The following MB21D2 variants were observed in gnomAD, a reference collection of about 807,000 sequenced individuals.
The protein encoded by MB21D2 is Mab-21 domain containing 2, also known as nucleotidyltransferase MB21D2.
A neutral mutation model predicts 33.3 loss-of-function variants in MB21D2; 9 were observed. That is an observed-to-expected ratio of 0.27 (90% CI 0.16 to 0.47). The LOEUF (loss-of-function observed/expected upper bound fraction) is 0.47. Ranked by LOEUF, MB21D2 falls within the 20% of genes least tolerant of loss-of-function variation. MB21D2 has a pLI of 0.99. For missense variants in MB21D2, 540 were observed against 624.6 expected, an observed-to-expected ratio of 0.86 and a Z score of 1.44; for synonymous variants, 241 against 236.3, an observed-to-expected ratio of 1.02 and a Z score of -0.18.
At chr3:192,864,001 T>C (rs1171812448) in intron 1 of MB21D2, among the ~76,000 whole-genome samples, 1 of 151,376 alleles carries the variant, frequency 6.6e-6, no homozygotes, top group Non-Finnish European at 1.5e-5. Context: ...ACCAAGAAAA[T>C]GTAAAAACAT....
At chr3:192,870,090 G>T (rs1362296928) in intron 1 of MB21D2, among the ~76,000 whole-genome samples, 1 of 152,094 alleles carries the variant, frequency 6.6e-6, no homozygotes, top group East Asian at 1.9e-4. Context: ...AACCAAATAC[G>T]GATGCTCTTG....
intron 1 of MB21D2, among the ~76,000 whole-genome samples, chr3:192,909,690 G>A (rs989067422): frequency 1.3e-5 from 2 of 152,054 alleles, no homozygotes; most frequent in African/African-American, 2.4e-5. Flanking sequence ...CAGCACTTTG[G>A]AAGGCCGAGG....
At chr3:192,900,832 T>C (rs913251524) in intron 1 of MB21D2, among the ~76,000 whole-genome samples, 1 of 151,906 alleles carries the variant, frequency 6.6e-6, no homozygotes, top group African/African-American at 2.4e-5. Context: ...TCCCACCTAC[T>C]CGGGAGGCTG....
rs1403369837 is a variant in MB21D2, at chr3:192,798,869, G to A, written c.993C>T (p.His331=). The A allele has an allele frequency of 1.2e-6, 2 of 1,613,284 alleles. No homozygotes were observed. Among genetic ancestry groups the A allele is most frequent in the South Asian group, 2.2e-5 (2 of 91,084 alleles). The part of the protein sequence containing the change: ...LSRPKAISPY[H]LRSMMLWACD... ...AGGCCCAGAGCATCATGCTCCGCAG[G>A]TGATAGGGGCTAATAGCCTTGGGCC... The change falls in exon 2 of 2, where the codon CAC becomes CAT. Residue 331 remains histidine (H), a synonymous_variant. Transcript: ENST00000392452. This position sits in a 1 kb window ranked among gnomAD's most constrained non-coding sequence, Gnocchi z 4.8.
In MB21D2 at chr3:192,798,311, A is replaced by C; in HGVS notation, c.*75T>G. ...AATCTAGGCTGGATATGTAAAAAACAGAAAGATAGCATCACAAACCACACG... is the reference window on the plus strand; with the variant it reads ...AATCTAGGCTGGATATGTAAAAAACCGAAAGATAGCATCACAAACCACACG... On this transcript the variant is annotated 3_prime_UTR_variant, in exon 2 of 2. Coordinates refer to ENST00000392452, the MANE Select transcript of MB21D2 (RefSeq NM_178496.4). This position sits in a 1 kb window ranked among gnomAD's most constrained non-coding sequence, Gnocchi z 4.8. 1 of 1,503,520 alleles carries C rather than the reference A, an allele frequency of 6.7e-7. No homozygotes were observed. The highest frequency in any genetic ancestry group is 9.0e-7 in the Non-Finnish European group (1 of 1,109,604). The allele number at this position is 1,503,520 out of a possible 1,614,324, so 93.1% of individuals were successfully genotyped here.
At chr3:192,859,740 A>C (rs116756195) in intron 1 of MB21D2, among the ~76,000 whole-genome samples, 18 of 152,372 alleles carry the variant, frequency 1.2e-4, no homozygotes, top group African/African-American at 4.3e-4. Flanking sequence ...AGAAGACACC[A>C]TTTGAAATCA....
intron 1 of MB21D2, among the ~76,000 whole-genome samples, chr3:192,869,387 G>A (rs2108636968): frequency 6.6e-6 from 1 of 151,926 alleles, no homozygotes; most frequent in East Asian, 1.9e-4. Context: ...AGGAGAAGTG[G>A]AATAATGTGA....
intron 1 of MB21D2, among the ~76,000 whole-genome samples, chr3:192,903,474 G>C (rs770299252): frequency 3.3e-5 from 5 of 152,066 alleles, no homozygotes; most frequent in Non-Finnish European, 7.4e-5. Context: ...TTAAATGAAG[G>C]CTTGAAAAAA....
chr3:192,912,845 A>T (rs1714384587), intron 1 of MB21D2, among the ~76,000 whole-genome samples: 1 of 152,208 alleles, frequency 6.6e-6, no homozygotes, highest in Admixed American at 6.5e-5. Flanking sequence ...ACTCTGAATG[A>T]TCTTGGCCTA....
chr3:192,814,257 A>C (rs150199497), intron 1 of MB21D2, among the ~76,000 whole-genome samples: 174 of 152,268 alleles, frequency 1.1e-3, no homozygotes, highest in Middle Eastern at 3.4e-3. Flanking sequence ...CTGTAATTTA[A>C]GAAAGGACTA....
At chr3:192,871,125 G>A (rs534176221) in intron 1 of MB21D2, among the ~76,000 whole-genome samples, 7 of 152,242 alleles carry the variant, frequency 4.6e-5, no homozygotes, top group African/African-American at 9.6e-5. Context: ...CAACTCACAC[G>A]GAACATGGGC....
intron 1 of MB21D2, among the ~76,000 whole-genome samples, chr3:192,821,979 T>C (rs1224777322): frequency 6.6e-6 from 1 of 152,198 alleles, no homozygotes; most frequent in East Asian, 1.9e-4. Flanking sequence ...GAGTACTGCA[T>C]TCCGGTTGCA....
At chr3:192,891,293 CCAA>C (rs1713848499) in intron 1 of MB21D2, among the ~76,000 whole-genome samples, 1 of 152,154 alleles carries the variant, frequency 6.6e-6, no homozygotes, top group Non-Finnish European at 1.5e-5. Flanking sequence ...AGGCTGCAAG[CCAA>C]ATTCAGACTG....
At chr3:192,836,486 A>G (rs1392343916) in intron 1 of MB21D2, among the ~76,000 whole-genome samples, 1 of 152,242 alleles carries the variant, frequency 6.6e-6, no homozygotes, top group East Asian at 1.9e-4. Context: ...TGAGGCTGTT[A>G]GAGGGAGTCC....
chr3:192,878,088 TTTTTTTTTTTTTTGG>T (rs1713477341), intron 1 of MB21D2, among the ~76,000 whole-genome samples: 1 of 141,810 alleles, frequency 7.1e-6, no homozygotes, highest in Admixed American at 6.9e-5. Context: ...CCTCTTTTTT[TTTTTTTTTTTTTTGG>T]TTTTTTTTGT....
At chr3:192,872,468 C>T (rs796770164) in intron 1 of MB21D2, among the ~76,000 whole-genome samples, 1 of 150,778 alleles carries the variant, frequency 6.6e-6, no homozygotes, top group Non-Finnish European at 1.5e-5. Context: ...CCCAGCTACT[C>T]GGGAGGCTGA....
chr3:192,822,317 A>C (rs1433360713), intron 1 of MB21D2, among the ~76,000 whole-genome samples: 1 of 152,206 alleles, frequency 6.6e-6, no homozygotes, highest in African/African-American at 2.4e-5. Context: ...CACTTCAATT[A>C]CTGGTTTCTC....
intron 1 of MB21D2, among the ~76,000 whole-genome samples, chr3:192,880,310 G>A (rs1036077883): frequency 2.6e-5 from 4 of 151,922 alleles, no homozygotes; most frequent in Non-Finnish European, 5.9e-5. Context: ...TTGCACCACC[G>A]CACTCCAGCC....
intron 1 of MB21D2, among the ~76,000 whole-genome samples, chr3:192,882,371 C>T (rs571600330): frequency 2.5e-4 from 21 of 85,124 alleles, no homozygotes; most frequent in South Asian, 3.9e-4. Flanking sequence ...CACTGCGCCC[C>T]GCACATTATT....
Sources: gnomAD v4.1 joint callset for allele counts (sites outside exome capture counted in the v4.1 genomes callset) on GRCh38, gnomAD v4.1.1 for gene constraint, Gnocchi (gnomAD v3.1) non-coding constraint, MANE v1.5 for transcripts, NCBI Gene and HGNC (gene_info 2026-07-23, HGNC 2026-07-21) for gene names.